PSMD7: variants seen among roughly 807,000 people sequenced by gnomAD.
PSMD7 encodes proteasome 26S subunit, non-ATPase 7.
In PSMD7, 13 loss-of-function variants were observed where a neutral mutation model predicts 36.4. The ratio of observed to expected loss-of-function variants is 0.36; its 90% CI spans 0.23 to 0.57. The LOEUF (loss-of-function observed/expected upper bound fraction) is 0.57, where lower values mean the gene tolerates loss of function less well. Ranked by LOEUF, PSMD7 falls within the 20% of genes least tolerant of loss-of-function variation. PSMD7 has a pLI of 0.83. For synonymous variants in PSMD7, 186 were observed against 151.0 expected (o/e 1.23, Z -1.70); for missense variants, 298 against 393.6 (o/e 0.76, Z 2.06).
intron 2 of PSMD7, 195 bp downstream of exon 2, chr16:74,300,401 C>T (rs999464786): frequency 1.7e-6 from 1 of 593,242 alleles, no homozygotes; most frequent in African/African-American, 1.9e-5. Flanking sequence ...CATGTGGTCT[C>T]CACTGCACCT....
At chr16:74,304,479 G>C in intron 6 of PSMD7, 85 bp downstream of exon 6, 2 of 1,253,068 alleles carry the variant, frequency 1.6e-6, no homozygotes, top group Non-Finnish European at 2.3e-6. Context: ...GGAATATGGA[G>C]ACCTGGGGTC....
At position 74,301,159 on chromosome 16, in the gene PSMD7, T is replaced by C; in HGVS notation, c.259+15T>C. The C allele has an allele frequency of 2.6e-6, 4 of 1,558,630 alleles. No individual in the cohort carries two copies. The highest frequency in any genetic ancestry group is 3.5e-6 in the Non-Finnish European group (4 of 1,133,046). On this transcript the variant is annotated intron_variant, in intron 3 of 6. Transcript: ENST00000219313. ...GAAAGTCAATGGTATGTCTTGATGT[T>C]CTAAGGTGTTACAGCATAGAATTGA...
chr16:74,300,841 C>G (rs950259742), intron 2 of PSMD7, among the ~76,000 whole-genome samples: 2 of 152,138 alleles, frequency 1.3e-5, no homozygotes, highest in African/African-American at 4.8e-5. Context: ...TGGTAGTTGC[C>G]AGGTATTCCA....
chr16:74,301,506 A>G (rs759725690), intron 3 of PSMD7, 49 bp from the exon 4 acceptor site: 16 of 1,362,922 alleles, frequency 1.2e-5, no homozygotes, highest in South Asian at 8.2e-5. Flanking sequence ...AGGGAGTTGT[A>G]TAGATCTTCA....
At chr16:74,297,526 C>T (rs2034123249) in intron 1 of PSMD7, among the ~76,000 whole-genome samples, 2 of 151,448 alleles carry the variant, frequency 1.3e-5, no homozygotes, top group Non-Finnish European at 2.9e-5. Context: ...CTGGATGATG[C>T]TTGGGTGGGG....
intron 1 of PSMD7, among the ~76,000 whole-genome samples, chr16:74,298,547 G>A (rs1391551774): frequency 6.6e-6 from 1 of 152,208 alleles, no homozygotes; most frequent in Non-Finnish European, 1.5e-5. Context: ...CTATTTCAGT[G>A]CTATTCAAGC....
Position 74,305,706 on chromosome 16 carries a change from G to C in PSMD7, c.948G>C (p.Lys316Asn), listed in dbSNP as rs1487647259. ...KDKDKEKSDV[K>N]KEEKKEKK ...AAGATAAGGAAAAGAGTGATGTAAA[G>C]AAAGAGGAGAAAAAGGAGAAAAAGT... The change falls in exon 7 of 7, where the codon AAG (lysine) becomes AAC (asparagine). Residue 316 changes from lysine to asparagine, a missense_variant. Transcript: ENST00000219313. 6.9e-7 allele frequency: 1 copy of C among 1,449,276 alleles called. No individual in the cohort carries two copies. Among genetic ancestry groups the C allele is most frequent in the African/African-American group, 1.4e-5 (1 of 70,356 alleles). 89.8% of individuals were successfully genotyped at this position (1,449,276 alleles called of 1,614,324 possible). A position where few individuals can be genotyped will look rare whatever the true frequency, so the allele number is the denominator to read the frequency against.
In PSMD7 at chr16:74,297,008, C is replaced by T. The variant is rs770291327; in HGVS notation, c.74+20C>T. ...CAACCGGTGAGCGAGCGCCCTATAG[C>T]TGGGCCGGCGGCGCAGCCGCTGCTG... On this transcript the variant is annotated intron_variant, in intron 1 of 6. Coordinates refer to ENST00000219313, the MANE Select transcript of PSMD7 (RefSeq NM_002811.5). 6.2e-7 allele frequency: 1 copy of T among 1,606,572 alleles called. No homozygotes were observed. The highest frequency in any genetic ancestry group is 8.5e-7 in the Non-Finnish European group (1 of 1,177,464).
intron 1 of PSMD7, 152 bp downstream of exon 1, chr16:74,297,140 C>T (rs1025445876): frequency 4.9e-6 from 4 of 817,546 alleles, no homozygotes; most frequent in Non-Finnish European, 5.9e-6. Flanking sequence ...AGCGTCGGCT[C>T]ACGATGCCGG....
At chr16:74,301,165 G>A (rs769607012) in intron 3 of PSMD7, 21 bp downstream of exon 3, 1 of 1,516,560 alleles carries the variant, frequency 6.6e-7, no homozygotes, top group Non-Finnish European at 9.1e-7. Context: ...ATGTTCTAAG[G>A]TGTTACAGCA....
chr16:74,299,744 A>T, intron 1 of PSMD7: 1 of 330,918 alleles, frequency 3.0e-6, no homozygotes, highest in Non-Finnish European at 5.9e-6. Context: ...AAAAGTTTAA[A>T]GGTGAAGGAA....
intron 3 of PSMD7, 85 bp downstream of exon 3, chr16:74,301,229 G>A: frequency 2.3e-6 from 2 of 882,376 alleles, no homozygotes; most frequent in East Asian, 5.0e-5. Context: ...TTAACATCAA[G>A]GGCCCTTTCA....
chr16:74,304,606 C>G (rs2034181208), intron 6 of PSMD7: 1 of 459,106 alleles, frequency 2.2e-6, no homozygotes, highest in African/African-American at 2.0e-5. Flanking sequence ...TGTAAAATGT[C>G]TTGAGTTACA....
At chr16:74,297,383 G>A (rs945077395) in intron 1 of PSMD7, among the ~76,000 whole-genome samples, 13 of 151,772 alleles carry the variant, frequency 8.6e-5, no homozygotes, top group African/African-American at 2.7e-4. Context: ...TCGTTTTGCC[G>A]AAATCTGGAT....
intron 5 of PSMD7, among the ~76,000 whole-genome samples, chr16:74,302,697 C>G (rs994480642): frequency 1.2e-4 from 19 of 152,200 alleles, no homozygotes; most frequent in Non-Finnish European, 2.2e-4. Flanking sequence ...GAGCAATGAT[C>G]ACACCACTGC....
intron 3 of PSMD7, 101 bp downstream of exon 3, chr16:74,301,245 C>A: frequency 2.6e-6 from 2 of 755,568 alleles, no homozygotes; most frequent in Non-Finnish European, 4.3e-6. Context: ...TTTCACTTAG[C>A]TACACTTCAG....
In PSMD7 at chr16:74,297,000, C is replaced by A. The variant is rs199735543; in HGVS notation, c.74+12C>A. ...GATCATTTCAACCGGTGAGCGAGCG[C>A]CCTATAGCTGGGCCGGCGGCGCAGC... On this transcript the variant is annotated intron_variant, in intron 1 of 6. Transcript: ENST00000219313. The A allele has an allele frequency of 9.8e-5, 157 of 1,609,684 alleles. 1 individual carries two copies. The East Asian group carries it at 2.3e-3, about 23-fold the overall frequency.
intron 1 of PSMD7, 48 bp downstream of exon 1, chr16:74,297,036 T>TCA (rs1337008076): frequency 6.3e-7 from 1 of 1,583,310 alleles, no homozygotes. Flanking sequence ...CGCTGCTGAG[T>TCA]CACGGGCACG....
intron 1 of PSMD7, among the ~76,000 whole-genome samples, chr16:74,297,763 G>T (rs1405621017): frequency 2.0e-5 from 3 of 149,168 alleles, no homozygotes; most frequent in Non-Finnish European, 4.5e-5. Context: ...GGATGATGCC[G>T]GAGTGGGGCT....
Sources: gnomAD v4.1 joint callset for allele counts (sites outside exome capture counted in the v4.1 genomes callset) on GRCh38, gnomAD v4.1.1 for gene constraint, MANE v1.5 for transcripts, NCBI Gene and HGNC (gene_info 2026-07-23, HGNC 2026-07-21) for gene names.